The following ATP8A2 variants were observed in gnomAD, a reference collection of about 807,000 sequenced individuals.
ATP8A2 encodes ATPase phospholipid transporting 8A2, also known as phospholipid-transporting ATPase IB.
Under a neutral mutation model 165.6 loss-of-function variants are expected in ATP8A2, and 100 were observed. The ratio of observed to expected loss-of-function variants is 0.60; its 90% CI spans 0.51 to 0.71. The LOEUF (loss-of-function observed/expected upper bound fraction) is 0.71, where lower values mean the gene tolerates loss of function less well. Among genes scored for constraint, ATP8A2 ranks in the 30% least tolerant of loss-of-function variants. The pLI, the probability that ATP8A2 is intolerant of heterozygous loss-of-function variation, is 0.00. For synonymous variants in ATP8A2, 543 were observed against 548.8 expected, an observed-to-expected ratio of 0.99 and a Z score of 0.15; for missense variants, 1,227 against 1,479.5, an observed-to-expected ratio of 0.83 and a Z score of 2.80.
At chr13:25,796,873 T>G (rs1286534197) in intron 27 of ATP8A2, among the ~76,000 whole-genome samples, 1 of 152,242 alleles carries the variant, frequency 6.6e-6, no homozygotes, top group Non-Finnish European at 1.5e-5. Flanking sequence ...AATCTGTGTT[T>G]GGCTATTTAA....
At chr13:26,008,068 T>TATATTA (rs1260115263) in intron 35 of ATP8A2, among the ~76,000 whole-genome samples, 1 of 152,138 alleles carries the variant, frequency 6.6e-6, no homozygotes, top group Non-Finnish European at 1.5e-5. Flanking sequence ...TACATGCTAA[T>TATATTA]ATATTAATAT....
Position 25,482,819 on chromosome 13 carries a change from T to A in ATP8A2, c.221+13698T>A, listed in dbSNP as rs150558188. 1.4e-3 allele frequency among the ~76,000 whole-genome samples: 206 copies of A among 152,382 alleles called. 1 individual carries two copies. The highest frequency in any genetic ancestry group is 4.7e-3 in the African/African-American group (197 of 41,590). On this transcript the variant is annotated intron_variant, in intron 2 of 36. Coordinates refer to ENST00000381655, the MANE Select transcript of ATP8A2 (RefSeq NM_016529.6). ...CTCTCTTTGCCTGCTGCCGTCCATG[T>A]AAGACGGGACTTGCTCCTCCTTGCC... is the stretch of plus-strand genomic sequence containing the variant.
intron 1 of ATP8A2, among the ~76,000 whole-genome samples, chr13:25,396,674 G>A (rs555540228): frequency 6.6e-6 from 1 of 152,186 alleles, no homozygotes; most frequent in South Asian, 2.1e-4. Flanking sequence ...TTGCTCTCAC[G>A]AACTCTATTT....
chr13:25,864,276 AGAC>A (rs759972530), intron 33 of ATP8A2, among the ~76,000 whole-genome samples: 14 of 119,408 alleles, frequency 1.2e-4, no homozygotes, highest in Non-Finnish European at 2.8e-4. Context: ...TGTGACTGAC[AGAC>A]AAAGCCCATT....
chr13:25,515,953 T>C (rs961063782), intron 2 of ATP8A2, among the ~76,000 whole-genome samples: 1 of 152,224 alleles, frequency 6.6e-6, no homozygotes, highest in African/African-American at 2.4e-5. Context: ...AACAAAGAAA[T>C]GTCAGTTAGA....
At chr13:25,423,753 T>A (rs1015172642) in intron 1 of ATP8A2, among the ~76,000 whole-genome samples, 3 of 152,228 alleles carry the variant, frequency 2.0e-5, no homozygotes, top group East Asian at 1.9e-4. Context: ...GGAGATCAGA[T>A]GTTTGGCATA....
chr13:25,942,465 T>C (rs980076769), intron 33 of ATP8A2, among the ~76,000 whole-genome samples: 4 of 152,122 alleles, frequency 2.6e-5, no homozygotes, highest in African/African-American at 7.2e-5. Flanking sequence ...TCTTGTACCC[T>C]AGGCTGGAGT....
chr13:25,994,191 T>C (rs774349875), intron 35 of ATP8A2, among the ~76,000 whole-genome samples: 5 of 152,138 alleles, frequency 3.3e-5, no homozygotes, highest in African/African-American at 1.2e-4. Flanking sequence ...TCTTACATCA[T>C]GTACTTTGAT....
chr13:25,652,923 T>A lies in ATP8A2; in HGVS notation c.2212-46250T>A, dbSNP rs114985377. On this transcript the variant is annotated intron_variant, in intron 24 of 36. Coordinates refer to ENST00000381655, the MANE Select transcript of ATP8A2 (RefSeq NM_016529.6). ...ACCTAATGATTTCTTAAGCTTTAGA[T>A]TTCTGCTGAATCATCCCTTCCCCAG... Among the ~76,000 whole-genome samples, 768 of 152,330 alleles carry A rather than the reference T, an allele frequency of 5.0e-3. 4 individuals are homozygous for A. Among genetic ancestry groups the A allele is most frequent in the African/African-American group, 0.017 (705 of 41,570 alleles).
At chr13:25,693,680 T>TCC (rs57612730) in intron 24 of ATP8A2, among the ~76,000 whole-genome samples, 15,194 of 151,482 alleles carry the variant, frequency 0.1, 947 homozygotes, top group Admixed American at 0.19. Context: ...TGTCTCTCTC[T>TCC]CTCTCTCTGT....
At chr13:25,992,652 C>T (rs1400632778) in intron 35 of ATP8A2, among the ~76,000 whole-genome samples, 1 of 150,382 alleles carries the variant, frequency 6.6e-6, no homozygotes, top group Non-Finnish European at 1.5e-5. Context: ...AGATACTCTC[C>T]TATTTTTTTC....
intron 33 of ATP8A2, chr13:25,863,334 A>C (rs1952409711): frequency 6.6e-6 from 1 of 152,556 alleles, no homozygotes; most frequent in Admixed American, 6.5e-5. Flanking sequence ...TTCCTTCCCA[A>C]ACAGCCAAAA....
Position 26,012,570 on chromosome 13 carries a change from G to A in ATP8A2, c.3417G>A (p.Arg1139=), listed in dbSNP as rs866330322. Residue 1139 remains arginine (R), a synonymous_variant, in exon 36 of 37, where the codon CGG becomes CGA. Coordinates refer to ENST00000381655, the MANE Select transcript of ATP8A2 (RefSeq NM_016529.6). ...ACCGCCTGATCAAGAGGCTGGGCCG[G>A]AAGACGCCCCCGACGCTGTTCCGGG... The part of the protein sequence containing the change: ...ERDRLIKRLG[R]KTPPTLFRGS... The A allele has an allele frequency of 6.5e-7, 1 of 1,532,846 alleles. No homozygotes were observed. 95.0% of individuals were successfully genotyped at this position (1,532,846 alleles called of 1,614,324 possible).
chr13:25,445,850 G>A (rs1217819073), intron 1 of ATP8A2, among the ~76,000 whole-genome samples: 1 of 152,066 alleles, frequency 6.6e-6, no homozygotes. Flanking sequence ...ACCCAGTGGT[G>A]GTCATCCAGT....
intron 35 of ATP8A2, among the ~76,000 whole-genome samples, chr13:25,974,355 C>A (rs1048919872): frequency 6.6e-6 from 1 of 151,996 alleles, no homozygotes; most frequent in African/African-American, 2.4e-5. Flanking sequence ...GCAGCAGGCT[C>A]TCCGAGTTGC....
intron 25 of ATP8A2, among the ~76,000 whole-genome samples, chr13:25,708,691 A>G (rs2043101665): frequency 6.6e-6 from 1 of 152,178 alleles, no homozygotes; most frequent in Admixed American, 6.5e-5. Context: ...CACATCTACT[A>G]CTATGCCACA....
At chr13:25,913,634 T>C (rs146022835) in intron 33 of ATP8A2, among the ~76,000 whole-genome samples, 232 of 152,280 alleles carry the variant, frequency 1.5e-3, no homozygotes, top group African/African-American at 4.9e-3. Flanking sequence ...CAATCAGAAA[T>C]CATGTTGTGT....
intron 25 of ATP8A2, among the ~76,000 whole-genome samples, chr13:25,733,281 C>G (rs1015797037): frequency 3.3e-5 from 5 of 152,080 alleles, no homozygotes; most frequent in Non-Finnish European, 7.4e-5. Flanking sequence ...CCCCTGACTG[C>G]CCACTGTAAG....
intron 35 of ATP8A2, among the ~76,000 whole-genome samples, chr13:25,976,522 C>G (rs1391188787): frequency 6.6e-6 from 1 of 151,902 alleles, no homozygotes; most frequent in Non-Finnish European, 1.5e-5. Context: ...ACGGAGCCCC[C>G]AGAGAGACCA....
Sources: allele counts gnomAD v4.1 joint callset (sites outside exome capture counted in the v4.1 genomes callset), GRCh38; gene constraint gnomAD v4.1.1; transcripts MANE v1.5; gene names NCBI Gene and HGNC (gene_info 2026-07-23, HGNC 2026-07-21).